The following CDC42 variants were observed in gnomAD, a reference collection of about 807,000 sequenced individuals.
The protein encoded by CDC42 is cell division control protein 42 homolog.
A neutral mutation model predicts 20.8 loss-of-function variants in CDC42; 1 was observed. That is an observed-to-expected ratio of 0.05 (90% CI 0.02 to 0.23). The LOEUF (loss-of-function observed/expected upper bound fraction) is 0.23, where lower values mean the gene tolerates loss of function less well. CDC42 is among the 10% of genes least tolerant of loss of function. The probability of loss-of-function intolerance (pLI) is 1.00; values close to 1 mark genes in which losing one functional copy is unlikely to be tolerated. For synonymous variants in CDC42, 72 were observed against 84.8 expected (o/e 0.85, Z 0.83); for missense variants, 49 against 227.9 (o/e 0.21, Z 5.05).
In CDC42 at chr1:22,078,460, A is replaced by T. The variant is rs1240670679; in HGVS notation, c.-19A>T. 2 of 1,556,868 alleles carry T rather than the reference A, an allele frequency of 1.3e-6. No homozygotes were observed. The highest frequency in any genetic ancestry group is 1.8e-6 in the Non-Finnish European group (2 of 1,135,820). ...ATCAGATTTGAAATATTTAAAGTGG[A>T]TACAAAACTATTTCAGCAATGCAGA... is the stretch of plus-strand genomic sequence containing the variant. On this transcript the variant is annotated 5_prime_UTR_variant, in exon 2 of 6. Coordinates refer to ENST00000656825, the MANE Select transcript of CDC42 (RefSeq NM_001791.4).
intron 1 of CDC42, among the ~76,000 whole-genome samples, chr1:22,076,777 A>G (rs758958416): frequency 6.6e-6 from 1 of 152,148 alleles, no homozygotes; most frequent in Non-Finnish European, 1.5e-5. Context: ...ATTAGTTAGT[A>G]TGGGTGCTTC....
intron 2 of CDC42, among the ~76,000 whole-genome samples, chr1:22,080,979 G>GC (rs1430107365): frequency 6.6e-6 from 1 of 152,144 alleles, no homozygotes; most frequent in Non-Finnish European, 1.5e-5. Context: ...GACCAGCCTG[G>GC]CCAACATAGT....
At position 22,066,457 on chromosome 1, in the gene CDC42, G is replaced by A. The variant is rs980370127; in HGVS notation, c.-50-11972G>A. On this transcript the variant is annotated intron_variant, in intron 1 of 5. Coordinates refer to ENST00000656825, the MANE Select transcript of CDC42 (RefSeq NM_001791.4). ...AATTACTCCTGTGATTCATTTATTCGGTGAGTGTGTCCTGTGTGACTGGTA... is the reference window on the plus strand; with the variant it reads ...AATTACTCCTGTGATTCATTTATTCAGTGAGTGTGTCCTGTGTGACTGGTA... Among the ~76,000 whole-genome samples, 49 of 152,178 alleles carry A rather than the reference G, an allele frequency of 3.2e-4. 1 individual carries two copies. Among genetic ancestry groups the A allele is most frequent in the African/African-American group, 8.0e-4 (33 of 41,444 alleles).
At chr1:22,086,121 C>T (rs531973817) in intron 3 of CDC42, among the ~76,000 whole-genome samples, 92 of 152,268 alleles carry the variant, frequency 6.0e-4, no homozygotes, top group African/African-American at 2.1e-3. Context: ...GCTGGGATTA[C>T]AAGGATTGAT....
Position 22,081,594 on chromosome 1 carries a change from A to G in CDC42, c.106-128A>G, listed in dbSNP as rs1164195603. 4 of 623,902 alleles carry G rather than the reference A, an allele frequency of 6.4e-6. No individual in the cohort carries two copies. In the African/African-American group the frequency reaches 7.3e-5, roughly 11 times the overall value. The allele number at this position is 623,902 out of a possible 1,614,324, so 38.6% of individuals were successfully genotyped here. ...GACTGGTTGGCAAGATTGGTTATAT[A>G]AGGATGATGGATGGACTAGGGGACG... On this transcript the variant is annotated intron_variant, in intron 2 of 5. Coordinates refer to ENST00000656825, the MANE Select transcript of CDC42 (RefSeq NM_001791.4).
chr1:22,068,023 A>G (rs944856294), intron 1 of CDC42, among the ~76,000 whole-genome samples: 4 of 152,106 alleles, frequency 2.6e-5, no homozygotes, highest in Non-Finnish European at 4.4e-5. Context: ...TTGACGCTGC[A>G]GTGAGCTGTG....
chr1:22,100,029 C>CTT lies in CDC42; in HGVS notation c.*8526_*8527dup, dbSNP rs1553197240. 3.0e-4 allele frequency among the ~76,000 whole-genome samples: 5 copies of CTT among 16,670 alleles called. No individual in the cohort carries two copies. The highest frequency in any genetic ancestry group is 1.1e-3 in the Admixed American group (1 of 932). 10.9% of individuals were successfully genotyped at this position (16,670 alleles called of 152,430 possible). On this transcript the variant is annotated 3_prime_UTR_variant, in exon 6 of 6. Transcript: ENST00000656825. ...TTTTTTCTTTCTTCTTCTTCTTCTT[C>CTT]TTTTTTTTTTTTTTTGTATAATAGG... is the stretch of plus-strand genomic sequence containing the variant.
chr1:22,091,688 C>T lies in CDC42; in HGVS notation c.*171C>T, dbSNP rs183450341. On this transcript the variant is annotated 3_prime_UTR_variant, in exon 6 of 6. Transcript: ENST00000656825. The stretch of plus-strand genomic sequence containing the variant: ...CAAGGCCCATAGGTATGGCCCCCCC[C>T]TTCCCCCTCCCAGTACTAGTTAATT... 1.7e-5 allele frequency: 7 copies of T among 409,106 alleles called. No individual in the cohort carries two copies. Among genetic ancestry groups the T allele is most frequent in the African/African-American group, 1.2e-4 (6 of 48,812 alleles). 25.3% of individuals were successfully genotyped at this position (409,106 alleles called of 1,614,324 possible). A position where few individuals can be genotyped will look rare whatever the true frequency, so the allele number is the denominator to read the frequency against.
chr1:22,074,891 T>C (rs1044060189), intron 1 of CDC42, among the ~76,000 whole-genome samples: 8 of 152,218 alleles, frequency 5.3e-5, no homozygotes, highest in Non-Finnish European at 1.0e-4. Context: ...ATTAGTTGTT[T>C]CAGAGCTACC....
At chr1:22,090,893 C>A in intron 5 of CDC42, 1 of 623,508 alleles carries the variant, frequency 1.6e-6, no homozygotes, top group Non-Finnish European at 2.0e-6. Context: ...TCCCTTGAAT[C>A]TCCTTGACTC....
Position 22,100,122 on chromosome 1 carries a change from G to C in CDC42, c.*8605G>C, listed in dbSNP as rs950873433. ...GCACCTTAGTGAATACCCAAGGTCTGAGGGAGGCTTGGAGCCAGCTCTGCA... is the reference window on the plus strand; with the variant it reads ...GCACCTTAGTGAATACCCAAGGTCTCAGGGAGGCTTGGAGCCAGCTCTGCA... On this transcript the variant is annotated 3_prime_UTR_variant, in exon 6 of 6. Transcript: ENST00000656825. 6.6e-6 allele frequency among the ~76,000 whole-genome samples: 1 copy of C among 150,854 alleles called. No individual in the cohort carries two copies. Among genetic ancestry groups the C allele is most frequent in the Non-Finnish European group, 1.5e-5 (1 of 67,896 alleles).
At chr1:22,078,383 T>A (rs1645573778) in intron 1 of CDC42, 46 bp from the exon 2 acceptor site, 1 of 903,398 alleles carries the variant, frequency 1.1e-6, no homozygotes, top group Non-Finnish European at 1.7e-6. Context: ...GGAAGAAAAA[T>A]CCATATGTAA....
At chr1:22,060,050 A>AT (rs1645346195) in intron 1 of CDC42, among the ~76,000 whole-genome samples, 1 of 151,914 alleles carries the variant, frequency 6.6e-6, no homozygotes, top group South Asian at 2.1e-4. Flanking sequence ...CAATTGAAAG[A>AT]TTATCAGTAG....
At chr1:22,090,458 A>T in intron 5 of CDC42, 1 of 995,360 alleles carries the variant, frequency 1.0e-6, no homozygotes, top group Non-Finnish European at 1.2e-6. Flanking sequence ...CCTTATGGAA[A>T]AGGGGTGACC....
At chr1:22,084,362 A>G (rs1436995685) in intron 3 of CDC42, among the ~76,000 whole-genome samples, 2 of 51,476 alleles carry the variant, frequency 3.9e-5, no homozygotes, top group Non-Finnish European at 8.3e-5. Context: ...TTTTTTTTTA[A>G]TTGTAGCCAT....
intron 1 of CDC42, among the ~76,000 whole-genome samples, chr1:22,056,314 T>A (rs1362164178): frequency 2.6e-5 from 4 of 152,234 alleles, no homozygotes; most frequent in Non-Finnish European, 5.9e-5. Context: ...ACTAATCTAC[T>A]CTTGCTTGAC....
chr1:22,067,793 C>G (rs1645440965), intron 1 of CDC42, among the ~76,000 whole-genome samples: 1 of 152,194 alleles, frequency 6.6e-6, no homozygotes, highest in Non-Finnish European at 1.5e-5. Flanking sequence ...CACCTTCTAA[C>G]AACGTCACAC....
Position 22,086,716 on chromosome 1 carries a change from T to C in CDC42, c.336T>C (p.Leu112=). 6.2e-7 allele frequency: 1 copy of C among 1,614,088 alleles called. No individual in the cohort carries two copies. Among genetic ancestry groups the C allele is most frequent in the Non-Finnish European group, 8.5e-7 (1 of 1,179,980 alleles). Residue 112 remains leucine (L), a synonymous_variant, in exon 5 of 6, where the codon CTT becomes CTC. Transcript: ENST00000656825. Reference sequence around the variant, plus strand: ...ACTGTCCAAAGACTCCTTTCTTGCTTGTTGGGACTCAAATTGATCTCAGAG... The same window carrying C: ...ACTGTCCAAAGACTCCTTTCTTGCTCGTTGGGACTCAAATTGATCTCAGAG... ...THHCPKTPFL[L]VGTQIDLRDD... is the part of the protein sequence containing the mutation.
At chr1:22,067,662 C>T (rs1645439810) in intron 1 of CDC42, among the ~76,000 whole-genome samples, 1 of 152,112 alleles carries the variant, frequency 6.6e-6, no homozygotes, top group Non-Finnish European at 1.5e-5. Context: ...TTCCTTTTTG[C>T]TGTGTCTTCT....
Sources: allele counts gnomAD v4.1 joint callset (sites outside exome capture counted in the v4.1 genomes callset), GRCh38; gene constraint gnomAD v4.1.1; transcripts MANE v1.5; gene names NCBI Gene and HGNC (gene_info 2026-07-23, HGNC 2026-07-21).